TMPRSS9: variants seen among roughly 807,000 people sequenced by gnomAD.
TMPRSS9 encodes the protein transmembrane protease serine 9.
TMPRSS9 carries 113 observed loss-of-function variants against 111.4 expected under a neutral mutation model. That is an observed-to-expected ratio of 1.01 (90% CI 0.87 to 1.19). The LOEUF is 1.19. Among genes scored for constraint, TMPRSS9 ranks in the 50% most tolerant of loss-of-function variants. The pLI is 0.00. For missense variants in TMPRSS9, 1,803 were observed against 1,513.1 expected (o/e 1.19, Z -3.18); for synonymous variants, 805 against 659.1 (o/e 1.22, Z -3.39).
chr19:2,368,711 G>A (rs1032416178), intron 1 of TMPRSS9, among the ~76,000 whole-genome samples: 8 of 151,222 alleles, frequency 5.3e-5, no homozygotes, highest in Non-Finnish European at 8.8e-5. Context: ...CCCTGCAGAC[G>A]GTCTGACAAC....
intron 8 of TMPRSS9, among the ~76,000 whole-genome samples, chr19:2,409,545 A>G (rs1043950020): frequency 3.3e-5 from 5 of 152,210 alleles, no homozygotes; most frequent in African/African-American, 1.2e-4. Context: ...TCAATCAGCC[A>G]CAAGATGACT....
intron 1 of TMPRSS9, among the ~76,000 whole-genome samples, chr19:2,368,079 A>G (rs1463283637): frequency 6.6e-6 from 1 of 152,148 alleles, no homozygotes; most frequent in Non-Finnish European, 1.5e-5. Context: ...TGTGCCAGCT[A>G]TAGTTATCAA....
chr19:2,382,078 TG>T (rs1333119991), intron 1 of TMPRSS9, among the ~76,000 whole-genome samples: 1 of 152,110 alleles, frequency 6.6e-6, no homozygotes, highest in African/African-American at 2.4e-5. Context: ...TGACCTCAGG[TG>T]ATCCACTTGC....
intron 5 of TMPRSS9, 138 bp from the exon 7 acceptor site, chr19:2,402,941 TAAA>T: frequency 3.1e-6 from 2 of 653,330 alleles, no homozygotes; most frequent in Non-Finnish European, 5.3e-6. Flanking sequence ...AAAACAAAAA[TAAA>T]AACAAGGAAA....
intron 4 of TMPRSS9, among the ~76,000 whole-genome samples, chr19:2,400,552 TAATAAA>T (rs1970813210): frequency 6.6e-6 from 1 of 150,636 alleles, no homozygotes; most frequent in Non-Finnish European, 1.5e-5. Context: ...AAAAAAAAAT[TAATAAA>T]AATAAAAAAT....
chr19:2,386,917 G>C (rs1599283119), upstream of TMPRSS9, among the ~76,000 whole-genome samples: 1 of 152,100 alleles, frequency 6.6e-6, no homozygotes, highest in African/African-American at 2.4e-5. Context: ...ACTTGAACCT[G>C]AGAGGCGGAG....
intron 1 of TMPRSS9, among the ~76,000 whole-genome samples, chr19:2,395,478 G>A (rs1216246430): frequency 6.6e-6 from 1 of 151,798 alleles, no homozygotes; most frequent in Non-Finnish European, 1.5e-5. Context: ...GTTAATCCCA[G>A]TGCTTTGGGA....
chr19:2,423,374 C>T (rs1323475554), intron 14 of TMPRSS9, among the ~76,000 whole-genome samples: 1 of 150,564 alleles, frequency 6.6e-6, no homozygotes. Context: ...GGTCTTATGT[C>T]AGGGCCAGAC....
chr19:2,411,136 C>A (rs972090954), intron 9 of TMPRSS9, among the ~76,000 whole-genome samples: 14 of 151,424 alleles, frequency 9.2e-5, no homozygotes, highest in Admixed American at 6.6e-5. Context: ...CTTGTCTCTA[C>A]TAAAAATACA....
At chr19:2,406,216 C>T (rs1336888554) in intron 7 of TMPRSS9, among the ~76,000 whole-genome samples, 1 of 151,048 alleles carries the variant, frequency 6.6e-6, no homozygotes, top group Admixed American at 6.6e-5. Context: ...GTCGGGGTTT[C>T]ACCATGTTAG....
chr19:2,360,295 C>T (rs1347948290), exon 1 of TMPRSS9, among the ~76,000 whole-genome samples: 2 of 152,206 alleles, frequency 1.3e-5, no homozygotes, highest in African/African-American at 4.8e-5. Context: ...GTCCGGAGCG[C>T]GGTGAGTCGG....
chr19:2,424,960 C>A (rs779023381), intron 15 of TMPRSS9, 42 bp from the exon 17 acceptor site: 3 of 1,426,604 alleles, frequency 2.1e-6, no homozygotes, highest in Non-Finnish European at 1.8e-6. Flanking sequence ...GGGCCGGGGG[C>A]GTGGGGGCTC....
At position 2,418,252 on chromosome 19, in the gene TMPRSS9, C is replaced by CTCCTTCCCTCCTTGTCCTTCCCTCCTTT. The variant is rs1971300683; in HGVS notation, c.2154+120_2154+147dup. ...TTTTTTCCTTTCTTTCCTTCCCCCC[C>CTCCTTCCCTCCTTGTCCTTCCCTCCTTT]TCCTTCCCTCCTTGTCCTTCCCTCC... On this transcript the variant is annotated intron_variant, in intron 13 of 17. Transcript: ENST00000648592. 2.2e-5 allele frequency: 24 copies of CTCCTTCCCTCCTTGTCCTTCCCTCCTTT among 1,086,202 alleles called. 4 individuals are homozygous for CTCCTTCCCTCCTTGTCCTTCCCTCCTTT. The South Asian group carries it at 3.6e-4, about 16-fold the overall frequency. 67.3% of individuals were successfully genotyped at this position (1,086,202 alleles called of 1,614,324 possible).
intron 14 of TMPRSS9, among the ~76,000 whole-genome samples, chr19:2,423,468 G>A (rs1240131509): frequency 7.5e-6 from 1 of 133,420 alleles, no homozygotes; most frequent in Admixed American, 7.5e-5. Flanking sequence ...GGTGGGGGGT[G>A]GGGGGCGGGG....
At chr19:2,379,674 T>TTTCTTTCTTTCTTTCC (rs1599278677) in intron 1 of TMPRSS9, among the ~76,000 whole-genome samples, 2 of 149,070 alleles carry the variant, frequency 1.3e-5, no homozygotes, top group South Asian at 4.2e-4. Context: ...TCTTTCTTTC[T>TTTCTTTCTTTCTTTCC]TTCTCTTTTT....
At chr19:2,414,138 T>A in intron 10 of TMPRSS9, 120 bp downstream of exon 11, 1 of 1,067,898 alleles carries the variant, frequency 9.4e-7, no homozygotes, top group Non-Finnish European at 1.3e-6. Flanking sequence ...AGGTCACATG[T>A]GTATCCGTTT....
intron 7 of TMPRSS9, 104 bp from the exon 9 acceptor site, chr19:2,408,252 T>TG: frequency 4.5e-6 from 5 of 1,108,336 alleles, no homozygotes; most frequent in Non-Finnish European, 6.5e-6. Context: ...AATATTAATG[T>TG]GGGGGGATAC....
intron 2 of TMPRSS9, among the ~76,000 whole-genome samples, chr19:2,397,045 C>T (rs535061503): frequency 2.6e-5 from 4 of 151,100 alleles, no homozygotes; most frequent in African/African-American, 7.3e-5. Flanking sequence ...CTCAGCCTCC[C>T]GAGTAGCTGG....
chr19:2,401,911 A>G, intron 4 of TMPRSS9, 64 bp from the exon 6 acceptor site: 1 of 1,489,336 alleles, frequency 6.7e-7, no homozygotes, highest in Non-Finnish European at 9.1e-7. Flanking sequence ...CCCGGCCAAT[A>G]GGATGTGTTC....
Sources: allele counts gnomAD v4.1 joint callset (sites outside exome capture counted in the v4.1 genomes callset), GRCh38; gene constraint gnomAD v4.1.1; transcripts MANE v1.5; gene names NCBI Gene and HGNC (gene_info 2026-07-23, HGNC 2026-07-21).